Variants in TNKS observed in about 807,000 individuals in gnomAD.
TNKS encodes the protein tankyrase.
Under a neutral mutation model 135.8 loss-of-function variants are expected in TNKS, and 72 were observed. That is an observed-to-expected ratio of 0.53 (90% CI 0.44 to 0.64). TNKS has a LOEUF of 0.64. Ranked by LOEUF, TNKS falls within the 30% of genes least tolerant of loss-of-function variation. The pLI is 0.00. For missense variants in TNKS, 1,769 were observed against 1,674.0 expected, an observed-to-expected ratio of 1.06 and a Z score of -0.99; for synonymous variants, 849 against 649.3, an observed-to-expected ratio of 1.31 and a Z score of -4.68.
Position 9,661,030 on chromosome 8 carries a change from C to T in TNKS, c.995-18921C>T, listed in dbSNP as rs554456482. Among the ~76,000 whole-genome samples, 891 of 151,002 alleles carry T rather than the reference C, an allele frequency of 5.9e-3. 6 individuals carry two copies. Among genetic ancestry groups the T allele is most frequent in the Admixed American group, 0.012 (179 of 15,018 alleles). The stretch of plus-strand genomic sequence containing the variant: ...ACCTAGGAATCCAACTTACAAGGGA[C>T]GTGAAGGACCTCTTCAAGGAGAACT... On this transcript the variant is annotated intron_variant, in intron 3 of 26. Coordinates refer to ENST00000310430, the MANE Select transcript of TNKS (RefSeq NM_003747.3).
At chr8:9,599,258 C>A (rs1798922828) in intron 2 of TNKS, among the ~76,000 whole-genome samples, 1 of 152,248 alleles carries the variant, frequency 6.6e-6, no homozygotes, top group South Asian at 2.1e-4. Flanking sequence ...CTTCTGTTAG[C>A]ACTGTATATC....
intron 1 of TNKS, among the ~76,000 whole-genome samples, chr8:9,576,058 A>G (rs2129052527): frequency 6.6e-6 from 1 of 152,268 alleles, no homozygotes; most frequent in South Asian, 2.1e-4. Flanking sequence ...ACATATTTCC[A>G]GAAGCTTCTA....
chr8:9,685,143 G>T (rs1377349829), intron 5 of TNKS, among the ~76,000 whole-genome samples: 1 of 152,078 alleles, frequency 6.6e-6, no homozygotes. Flanking sequence ...TGGAAACAGA[G>T]AAAAGTAAAG....
At chr8:9,767,831 C>A (rs185368402) in intron 25 of TNKS, among the ~76,000 whole-genome samples, 1 of 151,844 alleles carries the variant, frequency 6.6e-6, no homozygotes, top group Admixed American at 6.5e-5. Context: ...TGGTGGCAGG[C>A]GCTTGTAGTC....
chr8:9,755,140 T>C (rs1318696613), intron 20 of TNKS, among the ~76,000 whole-genome samples: 6 of 152,248 alleles, frequency 3.9e-5, no homozygotes, highest in Non-Finnish European at 7.3e-5. Context: ...CAGTTTGCAT[T>C]ATAATTTTAT....
chr8:9,632,972 G>A (rs1378624001), intron 3 of TNKS, among the ~76,000 whole-genome samples: 1 of 152,070 alleles, frequency 6.6e-6, no homozygotes, highest in Non-Finnish European at 1.5e-5. Context: ...CTCGTGATCT[G>A]CCCGCCTCGG....
At chr8:9,760,276 G>C (rs1807078405) in intron 20 of TNKS, among the ~76,000 whole-genome samples, 1 of 152,132 alleles carries the variant, frequency 6.6e-6, no homozygotes, top group African/African-American at 2.4e-5. Context: ...TCTTTTGGGT[G>C]GTTGGATGTG....
Position 9,775,527 on chromosome 8 carries a change from GT to G in TNKS, c.3898-1116del, listed in dbSNP as rs371978181. Among the ~76,000 whole-genome samples, 39 of 113,740 alleles carry G rather than the reference GT, an allele frequency of 3.4e-4. No homozygotes were observed. The East Asian group carries it at 4.9e-3, about 14-fold the overall frequency. The allele number at this position is 113,740 out of a possible 152,430, so 74.6% of individuals were successfully genotyped here. A position where few individuals can be genotyped will look rare whatever the true frequency, so the allele number is the denominator to read the frequency against. Reference sequence around the variant, plus strand: ...TATGTAGACAGAACTTAACATTTATGTTTTTTTGTTATTTTTAAAGTCCTTG... The same window carrying G: ...TATGTAGACAGAACTTAACATTTATGTTTTTTGTTATTTTTAAAGTCCTTG... On this transcript the variant is annotated intron_variant, in intron 26 of 26. Transcript: ENST00000310430.
chr8:9,668,041 C>T (rs1171678780), intron 3 of TNKS, among the ~76,000 whole-genome samples: 1 of 152,170 alleles, frequency 6.6e-6, no homozygotes, highest in Non-Finnish European at 1.5e-5. Flanking sequence ...ACCAAACCTG[C>T]AGCAACTTGT....
intron 1 of TNKS, among the ~76,000 whole-genome samples, chr8:9,565,695 C>T (rs1334690460): frequency 6.6e-6 from 1 of 151,744 alleles, no homozygotes; most frequent in Non-Finnish European, 1.5e-5. Flanking sequence ...ACTAAAAATA[C>T]ACACACACAA....
intron 1 of TNKS, among the ~76,000 whole-genome samples, chr8:9,571,764 A>G (rs908418199): frequency 1.3e-5 from 2 of 152,044 alleles, no homozygotes; most frequent in African/African-American, 2.4e-5. Context: ...GCGCCCGGGG[A>G]TTCCATGTTG....
intron 3 of TNKS, among the ~76,000 whole-genome samples, chr8:9,671,601 GA>G (rs1296822007): frequency 6.6e-6 from 1 of 152,172 alleles, no homozygotes; most frequent in Non-Finnish European, 1.5e-5. Flanking sequence ...GAGGGAGGGG[GA>G]TTGGAGTAGG....
At chr8:9,741,422 A>G (rs1474154643) in intron 17 of TNKS, among the ~76,000 whole-genome samples, 2 of 152,190 alleles carry the variant, frequency 1.3e-5, no homozygotes, top group African/African-American at 4.8e-5. Context: ...TTGTGGATGT[A>G]AGGAAGTTCT....
chr8:9,703,677 C>T (rs1803924414), intron 5 of TNKS, among the ~76,000 whole-genome samples: 1 of 152,114 alleles, frequency 6.6e-6, no homozygotes, highest in African/African-American at 2.4e-5. Flanking sequence ...TCTTTTGTAT[C>T]TTCACATCTG....
intron 1 of TNKS, among the ~76,000 whole-genome samples, chr8:9,576,670 C>G (rs1358565792): frequency 6.6e-6 from 1 of 152,054 alleles, no homozygotes; most frequent in Non-Finnish European, 1.5e-5. Flanking sequence ...GACCCAATCA[C>G]TTCCCACCAG....
rs1182267403 is a variant in TNKS, at chr8:9,720,648, C to T, written c.1921+103C>T. ...TGTTTACTTTGCCTGAAGTTTTTCT[C>T]ATGTCTTTTCTTGCAATTTAGCCTG... On this transcript the variant is annotated intron_variant, in intron 12 of 26. Transcript: ENST00000310430. 6.1e-6 allele frequency: 8 copies of T among 1,318,254 alleles called. No homozygotes were observed. The East Asian group carries it at 8.3e-5, about 14-fold the overall frequency. The allele number at this position is 1,318,254 out of a possible 1,614,324, so 81.7% of individuals were successfully genotyped here.
rs1387845536 is a variant in TNKS, at chr8:9,555,924, C to G, written c.-16C>G. The G allele has an allele frequency of 1.9e-6, 3 of 1,602,920 alleles. No individual in the cohort carries two copies. The highest frequency in any genetic ancestry group is 2.6e-6 in the Non-Finnish European group (3 of 1,175,156). Reference sequence around the variant, plus strand: ...GGGGGCCGTTGCCGCAGTGACAGTGCTAGGGGAGTCCGAAGATGGCGGCGT... The same window carrying G: ...GGGGGCCGTTGCCGCAGTGACAGTGGTAGGGGAGTCCGAAGATGGCGGCGT... On this transcript the variant is annotated 5_prime_UTR_variant, in exon 1 of 27. Coordinates refer to ENST00000310430, the MANE Select transcript of TNKS (RefSeq NM_003747.3).
chr8:9,778,382 C>G lies in TNKS; in HGVS notation c.*1646C>G. The G allele has an allele frequency of 6.6e-6, 1 of 152,476 alleles. No homozygotes were observed. The highest frequency in any genetic ancestry group is 1.9e-4 in the East Asian group (1 of 5,202). The allele number at this position is 152,476 out of a possible 1,614,324, so 9.4% of individuals were successfully genotyped here. A position where few individuals can be genotyped will look rare whatever the true frequency, so the allele number is the denominator to read the frequency against. ...TGATTAAGCTGTGACCTCCTTTAAT[C>G]TCCTGAAGCAAAATAAAATGGTTAC... On this transcript the variant is annotated 3_prime_UTR_variant, in exon 27 of 27. Transcript: ENST00000310430.
At chr8:9,713,700 A>G (rs1190390587) in intron 11 of TNKS, among the ~76,000 whole-genome samples, 2 of 152,200 alleles carry the variant, frequency 1.3e-5, no homozygotes, top group Non-Finnish European at 2.9e-5. Context: ...ATCAATTGCT[A>G]TCAGTAGATA....
Sources: allele counts gnomAD v4.1 joint callset (sites outside exome capture counted in the v4.1 genomes callset), GRCh38; gene constraint gnomAD v4.1.1; transcripts MANE v1.5; gene names NCBI Gene and HGNC (gene_info 2026-07-23, HGNC 2026-07-21).